PLXDC1: variants seen among roughly 807,000 people sequenced by gnomAD.
The protein encoded by PLXDC1 is plexin domain containing 1.
PLXDC1 carries 39 observed loss-of-function variants against 61.3 expected under a neutral mutation model. The ratio of observed to expected loss-of-function variants is 0.64; its 90% CI spans 0.49 to 0.83. PLXDC1 has a LOEUF of 0.83. Ranked by LOEUF, PLXDC1 falls within the 40% of genes least tolerant of loss-of-function variation. The pLI is 0.00. For missense variants in PLXDC1, 596 were observed against 666.5 expected (o/e 0.89, Z 1.17); for synonymous variants, 212 against 254.5 (o/e 0.83, Z 1.59).
intron 7 of PLXDC1, among the ~76,000 whole-genome samples, chr17:39,095,204 G>A (rs1009519859): frequency 2.0e-5 from 3 of 151,754 alleles, no homozygotes; most frequent in African/African-American, 4.8e-5. Flanking sequence ...TCCTTCCAGC[G>A]GAGTGGGGGA....
intron 7 of PLXDC1, among the ~76,000 whole-genome samples, chr17:39,093,402 G>A (rs566676310): frequency 7.0e-4 from 106 of 152,022 alleles, no homozygotes; most frequent in Non-Finnish European, 1.1e-3. Context: ...GAGCCCAGTT[G>A]TTTATTTAAA....
chr17:39,103,574 G>A (rs1478850380), intron 7 of PLXDC1, among the ~76,000 whole-genome samples: 4 of 152,026 alleles, frequency 2.6e-5, no homozygotes, highest in African/African-American at 9.6e-5. Context: ...GGCTGGGCGC[G>A]GTGGCTGACT....
At position 39,072,422 on chromosome 17, in the gene PLXDC1, C is replaced by T. The variant is rs369092830; in HGVS notation, c.1222+28G>A. 109 of 1,525,516 alleles carry T rather than the reference C, an allele frequency of 7.1e-5. 1 individual carries two copies. Among genetic ancestry groups the T allele is most frequent in the South Asian group, 1.7e-4 (14 of 83,664 alleles). 94.5% of individuals were successfully genotyped at this position (1,525,516 alleles called of 1,614,324 possible). On this transcript the variant is annotated intron_variant, in intron 12 of 13. Transcript: ENST00000315392. Reference sequence around the variant, plus strand: ...TGGGTCCAAGAGGCGCTGGGTCTGACGCTGAGGGCAGGCAGTTCTGTACTC... The same window carrying T: ...TGGGTCCAAGAGGCGCTGGGTCTGATGCTGAGGGCAGGCAGTTCTGTACTC...
intron 2 of PLXDC1, among the ~76,000 whole-genome samples, chr17:39,114,241 G>T (rs1318217043): frequency 1.3e-5 from 2 of 152,118 alleles, no homozygotes; most frequent in African/African-American, 2.4e-5. Context: ...CACGTGTGGT[G>T]GTCTGGCCCC....
intron 7 of PLXDC1, among the ~76,000 whole-genome samples, chr17:39,094,462 A>G (rs1289357464): frequency 6.6e-6 from 1 of 151,598 alleles, no homozygotes; most frequent in Non-Finnish European, 1.5e-5. Context: ...CTCCTTGAAG[A>G]CTTCCCCCAC....
intron 9 of PLXDC1, 101 bp downstream of exon 9, chr17:39,083,358 T>C: frequency 1.2e-6 from 1 of 836,944 alleles, no homozygotes; most frequent in Non-Finnish European, 2.0e-6. Flanking sequence ...GATACTCTCA[T>C]GTTGGCTGAC....
chr17:39,130,482 G>A (rs1351823415), intron 2 of PLXDC1, among the ~76,000 whole-genome samples: 1 of 152,086 alleles, frequency 6.6e-6, no homozygotes, highest in Non-Finnish European at 1.5e-5. Context: ...AAAAGGTTTT[G>A]GAACTGGATG....
chr17:39,125,213 C>T (rs1427980379), intron 2 of PLXDC1, among the ~76,000 whole-genome samples: 1 of 152,226 alleles, frequency 6.6e-6, no homozygotes, highest in African/African-American at 2.4e-5. Context: ...GAAATAAACC[C>T]ACACAGAACA....
At chr17:39,080,319 T>C (rs939076828) in intron 9 of PLXDC1, 1 of 152,282 alleles carries the variant, frequency 6.6e-6, no homozygotes, top group African/African-American at 2.4e-5. Context: ...GCTAACTGAT[T>C]CTTTCAAAGA....
chr17:39,065,753 A>T lies in PLXDC1; in HGVS notation c.*2087T>A, dbSNP rs1015678027. On this transcript the variant is annotated 3_prime_UTR_variant, in exon 14 of 14. Coordinates refer to ENST00000315392, the MANE Select transcript of PLXDC1 (RefSeq NM_020405.5). ...CTTGGTAGCTATGGAGTATGACCAG[A>T]TGGAGACATGGGTCTTGTGGCCGGC... The T allele has an allele frequency of 6.6e-6, 1 of 152,438 alleles. No homozygotes were observed. Among genetic ancestry groups the T allele is most frequent in the Admixed American group, 6.5e-5 (1 of 15,278 alleles). The allele number at this position is 152,438 out of a possible 1,614,324, so 9.4% of individuals were successfully genotyped here.
chr17:39,115,850 C>T (rs1463265233), intron 2 of PLXDC1, among the ~76,000 whole-genome samples: 4 of 152,182 alleles, frequency 2.6e-5, no homozygotes, highest in East Asian at 3.9e-4. Flanking sequence ...CATGGTGGCT[C>T]ATGCCTGTAA....
intron 7 of PLXDC1, among the ~76,000 whole-genome samples, chr17:39,088,930 CA>C (rs1909839881): frequency 1.7e-5 from 1 of 59,276 alleles, no homozygotes; most frequent in African/African-American, 6.9e-5. Flanking sequence ...GCCTGGGTGA[CA>C]AGAGCAAGAC....
chr17:39,093,390 C>T (rs1598193100), intron 7 of PLXDC1, among the ~76,000 whole-genome samples: 1 of 152,088 alleles, frequency 6.6e-6, no homozygotes, highest in Non-Finnish European at 1.5e-5. Flanking sequence ...TTACAATTTA[C>T]CGAGCCCAGT....
Position 39,096,798 on chromosome 17 carries a change from A to G in PLXDC1, c.811+9056T>C, listed in dbSNP as rs185471109. 2,552 of 405,208 alleles carry G rather than the reference A, an allele frequency of 6.3e-3. 14 individuals are homozygous for G. Among genetic ancestry groups the G allele is most frequent in the Non-Finnish European group, 9.4e-3 (1,826 of 194,458 alleles). The allele number at this position is 405,208 out of a possible 1,614,324, so 25.1% of individuals were successfully genotyped here. On this transcript the variant is annotated intron_variant, in intron 7 of 13. Transcript: ENST00000315392. ...AAGTTGCTTTTATACTAACCATGAA[A>G]TAAAGAGTTTCTTAAGCAAATGAAC...
intron 12 of PLXDC1, among the ~76,000 whole-genome samples, chr17:39,071,139 G>C (rs1317302250): frequency 6.6e-6 from 1 of 152,152 alleles, no homozygotes; most frequent in Non-Finnish European, 1.5e-5. Flanking sequence ...TTTCCACAGA[G>C]CTGGAAGCTC....
chr17:39,123,711 G>A (rs1326552183), intron 2 of PLXDC1, among the ~76,000 whole-genome samples: 1 of 152,112 alleles, frequency 6.6e-6, no homozygotes, highest in African/African-American at 2.4e-5. Context: ...TATTTCTTCC[G>A]CCTCAATTAG....
intron 8 of PLXDC1, 83 bp downstream of exon 8, chr17:39,087,524 G>T: frequency 1.9e-6 from 2 of 1,068,100 alleles, no homozygotes; most frequent in Non-Finnish European, 2.9e-6. Context: ...CACAAAACAG[G>T]AGTCAGTCAT....
intron 10 of PLXDC1, among the ~76,000 whole-genome samples, chr17:39,078,774 C>A (rs535650284): frequency 1.3e-5 from 2 of 152,318 alleles, no homozygotes; most frequent in African/African-American, 4.8e-5. Flanking sequence ...TTAAGGTCAG[C>A]AGGTGCACAG....
chr17:39,081,626 CAAA>C (rs5820274), intron 9 of PLXDC1, among the ~76,000 whole-genome samples: 9 of 138,454 alleles, frequency 6.5e-5, no homozygotes, highest in Non-Finnish European at 4.7e-5. Context: ...GACTCCGTCT[CAAA>C]AAAAAAAAAA....
Sources: gnomAD v4.1 joint callset for allele counts (sites outside exome capture counted in the v4.1 genomes callset) on GRCh38, gnomAD v4.1.1 for gene constraint, MANE v1.5 for transcripts, NCBI Gene and HGNC (gene_info 2026-07-23, HGNC 2026-07-21) for gene names.